DARS2: variants seen among roughly 807,000 people sequenced by gnomAD.
DARS2 encodes aspartate--tRNA ligase, mitochondrial.
DARS2 carries 63 observed loss-of-function variants against 83.0 expected under a neutral mutation model. The ratio of observed to expected loss-of-function variants is 0.76; its 90% confidence interval spans 0.62 to 0.94. The LOEUF (loss-of-function observed/expected upper bound fraction) is 0.94, where lower values mean the gene tolerates loss of function less well. DARS2 is among the 40% of genes least tolerant of loss of function. The probability of loss-of-function intolerance (pLI) is 0.00; values close to 1 mark genes in which losing one functional copy is unlikely to be tolerated. For missense variants in DARS2, 675 were observed against 774.4 expected (o/e 0.87, Z 1.52); for synonymous variants, 250 against 269.3 (o/e 0.93, Z 0.70).
intron 13 of DARS2, among the ~76,000 whole-genome samples, chr1:173,852,558 G>C (rs1180151732): frequency 6.6e-6 from 1 of 151,816 alleles, no homozygotes; most frequent in East Asian, 1.9e-4. Context: ...CTGGAGTACA[G>C]TGGTGTGATC....
At chr1:173,832,157 T>C (rs1260309144) in intron 5 of DARS2, among the ~76,000 whole-genome samples, 5 of 152,234 alleles carry the variant, frequency 3.3e-5, no homozygotes, top group Non-Finnish European at 7.3e-5. Flanking sequence ...TATAGACTTA[T>C]ATATTCCTAA....
In DARS2 at chr1:173,856,651, T is replaced by C. The variant is rs746520702; in HGVS notation, c.1675-15T>C. ...TTCAAAATATATTTAAACTGAATTA[T>C]CTTTTGAATTTCAGGAGGATGTGAA... On this transcript the variant is annotated splice_polypyrimidine_tract_variant and intron_variant, in intron 15 of 16. Coordinates refer to ENST00000649689, the MANE Select transcript of DARS2 (RefSeq NM_018122.5). 4.3e-6 allele frequency: 7 copies of C among 1,612,178 alleles called. No individual in the cohort carries two copies. The African/African-American group carries it at 6.7e-5, about 15-fold the overall frequency.
In DARS2 at chr1:173,850,523, C is replaced by G. The variant is rs758127374; in HGVS notation, c.1344+44C>G. 3.2e-6 allele frequency: 5 copies of G among 1,585,672 alleles called. No individual in the cohort carries two copies. The South Asian group carries it at 5.6e-5, about 18-fold the overall frequency. On this transcript the variant is annotated intron_variant, in intron 13 of 16. Transcript: ENST00000649689. ...AAGCATCAGTGCTGTTGATGCTGAACAATGCCTTACTCTCCTATGTATATA... is the reference window on the plus strand; with the variant it reads ...AAGCATCAGTGCTGTTGATGCTGAAGAATGCCTTACTCTCCTATGTATATA...
rs753407434 is a variant in DARS2 at position 173,839,407 on chromosome 1, A to C, written c.881A>C (p.Gln294Pro). 6.2e-7 allele frequency: 1 copy of C among 1,614,226 alleles called. No individual in the cohort carries two copies. The highest frequency in any genetic ancestry group is 8.5e-7 in the Non-Finnish European group (1 of 1,180,034). The change falls in exon 10 of 17, where the codon CAG (glutamine) becomes CCG (proline). Residue 294 changes from glutamine to proline, a missense_variant. Coordinates refer to ENST00000649689, the MANE Select transcript of DARS2 (RefSeq NM_018122.5). ...TCATTTGTAGACCAGACTGGGATCC[A>C]GAGTTTAATTGAGGGTTTGCTCCAG... The part of the protein sequence containing the change: ...EMSFVDQTGI[Q>P]SLIEGLLQYS...
At chr1:173,851,615 T>C (rs182814092) in intron 13 of DARS2, among the ~76,000 whole-genome samples, 55 of 152,300 alleles carry the variant, frequency 3.6e-4, no homozygotes, top group African/African-American at 1.3e-3. Flanking sequence ...TCAGGGGATA[T>C]GGAAGACTGA....
chr1:173,847,892 G>A (rs2102656701), intron 12 of DARS2, among the ~76,000 whole-genome samples: 1 of 118,972 alleles, frequency 8.4e-6, no homozygotes, highest in African/African-American at 3.4e-5. Flanking sequence ...TCACTCTGTC[G>A]CCCAGGCTGG....
At chr1:173,849,837 CT>C (rs952632747) in intron 12 of DARS2, among the ~76,000 whole-genome samples, 5 of 148,910 alleles carry the variant, frequency 3.4e-5, no homozygotes, top group East Asian at 2.0e-4. Flanking sequence ...TCCCCTCCCC[CT>C]TTTTTTCATT....
At chr1:173,844,669 C>CAAAAAAAAAAAAAAAAAA (rs549839808) in intron 11 of DARS2, among the ~76,000 whole-genome samples, 4 of 29,930 alleles carry the variant, frequency 1.3e-4, no homozygotes, top group African/African-American at 3.2e-4. Flanking sequence ...GACTCCATCG[C>CAAAAAAAAAAAAAAAAAA]AAAAAAAAAA....
Position 173,826,684 on chromosome 1 carries a change from A to G in DARS2, c.128-3A>G. 6.4e-7 allele frequency: 1 copy of G among 1,567,840 alleles called. No individual in the cohort carries two copies. The highest frequency in any genetic ancestry group is 2.2e-5 in the East Asian group (1 of 44,530). ...AAGTTTCTTTTTTTTTTTTTTTTTAAAGAATTCAGTAGCTTTGTTGTCCGG... is the reference window on the plus strand; with the variant it reads ...AAGTTTCTTTTTTTTTTTTTTTTTAGAGAATTCAGTAGCTTTGTTGTCCGG... On this transcript the variant is annotated splice_polypyrimidine_tract_variant and splice_region_variant and intron_variant, in intron 1 of 16. Transcript: ENST00000649689.
chr1:173,840,826 C>G (rs1262111015), intron 10 of DARS2, 40 bp from the exon 11 acceptor site: 3 of 1,092,762 alleles, frequency 2.7e-6, no homozygotes, highest in Non-Finnish European at 4.2e-6. Flanking sequence ...ATAAAAATTA[C>G]TTCATATTTA....
At chr1:173,832,271 C>T (rs934882159) in intron 5 of DARS2, among the ~76,000 whole-genome samples, 8 of 151,930 alleles carry the variant, frequency 5.3e-5, no homozygotes, top group African/African-American at 1.2e-4. Context: ...TCAATACTTA[C>T]GTTTAAGTTC....
chr1:173,839,340 A>T (rs1425164700), intron 9 of DARS2, 27 bp from the exon 10 acceptor site: 1 of 1,608,974 alleles, frequency 6.2e-7, no homozygotes. Context: ...TGGCTAAATT[A>T]GTTTCCATAT....
rs761821824 is a variant in DARS2 at position 173,857,535 on chromosome 1, T to C, written c.1768T>C (p.Cys590Arg). The C allele has an allele frequency of 2.5e-6, 4 of 1,614,210 alleles. No individual in the cohort carries two copies. Among genetic ancestry groups the C allele is most frequent in the East Asian group, 2.2e-5 (1 of 44,878 alleles). The change falls in exon 17 of 17, where the codon TGC becomes CGC. Residue 590 changes from cysteine (C) to arginine (R), a missense_variant. Coordinates refer to ENST00000649689, the MANE Select transcript of DARS2 (RefSeq NM_018122.5). ...ACTCACAGGGTTAGACAGACTGATA[T>C]GCCTTGTCACTGGATCTCCAAGCAT... ...GIALGLDRLI[C>R]LVTGSPSIRD...
chr1:173,847,647 C>A (rs1273128126), intron 12 of DARS2, among the ~76,000 whole-genome samples: 1 of 152,050 alleles, frequency 6.6e-6, no homozygotes, highest in African/African-American at 2.4e-5. Context: ...ATGCAATAAT[C>A]ATTTGCTCTA....
intron 12 of DARS2, among the ~76,000 whole-genome samples, chr1:173,847,844 CTTTTTTTTT>C (rs1160841148): frequency 2.5e-5 from 2 of 78,616 alleles, no homozygotes; most frequent in East Asian, 4.9e-4. Context: ...CTTTCTGAAC[CTTTTTTTTT>C]TTTTTTTTTT....
chr1:173,850,380 T>C lies in DARS2; in HGVS notation c.1245T>C (p.Ala415=), dbSNP rs573710499. The C allele has an allele frequency of 2.5e-6, 4 of 1,613,708 alleles. No homozygotes were observed. In the African/African-American group the frequency reaches 5.3e-5, roughly 22 times the overall value. Residue 415 remains alanine, a synonymous_variant, in exon 13 of 17, where the codon GCT becomes GCC. Transcript: ENST00000649689. ...ATAGAAACTGGAATTCTCCAGTTGC[T>C]AATTTCATAATGGAGTCACAAAGAC... ...NANRNWNSPV[A]NFIMESQRLE... is the part of the protein sequence containing the mutation.
At chr1:173,853,979 G>A in intron 15 of DARS2, 74 bp downstream of exon 15, 2 of 1,309,374 alleles carry the variant, frequency 1.5e-6, no homozygotes, top group African/African-American at 1.5e-5. Flanking sequence ...TGTTGTTGTT[G>A]TTTGCTTGTT....
At chr1:173,835,554 A>G (rs1652972661) in intron 7 of DARS2, among the ~76,000 whole-genome samples, 1 of 150,494 alleles carries the variant, frequency 6.6e-6, no homozygotes, top group Admixed American at 6.6e-5. Flanking sequence ...GACCCTAAAG[A>G]AAAAAAAATG....
rs983229090 is a variant in DARS2, at chr1:173,853,478, G to C, written c.1474G>C (p.Glu492Gln). 1 of 1,613,956 alleles carries C rather than the reference G, an allele frequency of 6.2e-7. No homozygotes were observed. The highest frequency in any genetic ancestry group is 1.3e-5 in the African/African-American group (1 of 74,886). Residue 492 changes from glutamate (E) to glutamine (Q), a missense_variant, in exon 14 of 17, where the codon GAA becomes CAA. Transcript: ENST00000649689. Reference protein sequence around the residue: ...VDFPLFLPKEENPRELESAHH... With the variant: ...VDFPLFLPKEQNPRELESAHH... Reference sequence around the variant, plus strand: ...TTTCCCACTCTTCCTGCCCAAGGAGGAAAATCCCAGAGAGCTGGAATCGGC... The same window carrying C: ...TTTCCCACTCTTCCTGCCCAAGGAGCAAAATCCCAGAGAGCTGGAATCGGC...
Sources: allele counts gnomAD v4.1 joint callset (sites outside exome capture counted in the v4.1 genomes callset), GRCh38; gene constraint gnomAD v4.1.1; transcripts MANE v1.5; gene names NCBI Gene and HGNC (gene_info 2026-07-23, HGNC 2026-07-21).